Variants in BTG4 observed in about 807,000 individuals in gnomAD.
The protein encoded by BTG4 is protein BTG4.
Under a neutral mutation model 19.3 loss-of-function variants are expected in BTG4, and 10 were observed. The observed-to-expected ratio is 0.52, with a 90% CI of 0.32 to 0.88. The LOEUF is 0.88. Among genes scored for constraint, BTG4 ranks in the 40% least tolerant of loss-of-function variants. BTG4 has a pLI of 0.04. For missense variants in BTG4, 238 were observed against 281.9 expected (o/e 0.84, Z 1.11); for synonymous variants, 91 against 95.7 (o/e 0.95, Z 0.29).
chr11:111,441,569 C>T, the BTG4 span, among the ~76,000 whole-genome samples: 21 of 152,180 alleles, frequency 1.4e-4, no homozygotes, highest in Non-Finnish European at 2.8e-4. Context: ...TCCTTGTCTG[C>T]TCTTGGGCTG....
chr11:111,482,680 T>C (rs981239119), intron 5 of BTG4, among the ~76,000 whole-genome samples: 9 of 152,044 alleles, frequency 5.9e-5, no homozygotes, highest in Non-Finnish European at 7.4e-5. Context: ...CAAGAACAAT[T>C]TGATGGAGGA....
intron 5 of BTG4, among the ~76,000 whole-genome samples, chr11:111,469,518 G>A (rs1340965135): frequency 2.0e-5 from 3 of 152,090 alleles, no homozygotes; most frequent in South Asian, 2.1e-4. Context: ...CAGATTTCCC[G>A]TGGCAGCATA....
chr11:111,483,407 C>A (rs1864861134), intron 5 of BTG4, among the ~76,000 whole-genome samples: 1 of 152,158 alleles, frequency 6.6e-6, no homozygotes, highest in South Asian at 2.1e-4. Flanking sequence ...ACCAATCCCA[C>A]AGTGATGAAG....
At chr11:111,455,619 A>C in the BTG4 span, 7 of 299,978 alleles carry the variant, frequency 2.3e-5, no homozygotes, top group Admixed American at 2.6e-4. Context: ...GAACCCAGAA[A>C]AGTGTGGATC....
upstream of BTG4, chr11:111,514,605 C>A (rs1867145718): frequency 1.6e-6 from 1 of 606,570 alleles, no homozygotes; most frequent in African/African-American, 1.9e-5. Context: ...GTCCTAAAAC[C>A]TGATCACCGC....
At chr11:111,427,668 G>C in the BTG4 span, among the ~76,000 whole-genome samples, 1 of 152,124 alleles carries the variant, frequency 6.6e-6, no homozygotes, top group Non-Finnish European at 1.5e-5. Flanking sequence ...CTGTGTCTGA[G>C]GGGAGGTCTC....
At chr11:111,404,408 G>A in the BTG4 span, among the ~76,000 whole-genome samples, 84,911 of 152,050 alleles carry the variant, frequency 0.56, 24,807 homozygotes, top group Admixed American at 0.69. Context: ...AAAGGGCTGC[G>A]GCCCATCAAA....
chr11:111,426,728 C>T, the BTG4 span, among the ~76,000 whole-genome samples: 2 of 152,194 alleles, frequency 1.3e-5, no homozygotes, highest in Admixed American at 6.5e-5. Flanking sequence ...GCACCCAAGG[C>T]TTCTTCACCT....
At chr11:111,467,745 C>T in intron 5 of BTG4, 1 of 735,990 alleles carries the variant, frequency 1.4e-6, no homozygotes, top group Non-Finnish European at 2.5e-6. Context: ...TCCTAAAATC[C>T]TGACATATTT....
At chr11:111,490,384 A>C (rs942188852), downstream of BTG4, among the ~76,000 whole-genome samples, 4 of 152,086 alleles carry the variant, frequency 2.6e-5, no homozygotes, top group Non-Finnish European at 5.9e-5. Flanking sequence ...GATTTATAAC[A>C]CAACATGTGC....
At chr11:111,397,316 CT>C in the BTG4 span, among the ~76,000 whole-genome samples, 8 of 152,196 alleles carry the variant, frequency 5.3e-5, no homozygotes, top group Non-Finnish European at 7.3e-5. Context: ...CTTCATCTAA[CT>C]TCCTAGGCCC....
the BTG4 span, chr11:111,400,881 T>C: frequency 6.6e-6 from 1 of 151,870 alleles, no homozygotes; most frequent in East Asian, 1.9e-4. Flanking sequence ...AGAATAACCA[T>C]AAGACAACAC....
At chr11:111,445,086 G>A in the BTG4 span, among the ~76,000 whole-genome samples, 1 of 152,188 alleles carries the variant, frequency 6.6e-6, no homozygotes, top group Non-Finnish European at 1.5e-5. Context: ...TCATGGTACC[G>A]TGCTAAGGTT....
the BTG4 span, chr11:111,414,632 C>T: frequency 2.6e-5 from 4 of 152,388 alleles, no homozygotes; most frequent in East Asian, 7.7e-4. Flanking sequence ...CCCTCAAAGG[C>T]AACAAGCAAG....
At chr11:111,444,669 C>T in the BTG4 span, among the ~76,000 whole-genome samples, 3 of 151,916 alleles carry the variant, frequency 2.0e-5, no homozygotes, top group South Asian at 6.3e-4. Context: ...ATACATAATA[C>T]CCCATAAATA....
the BTG4 span, among the ~76,000 whole-genome samples, chr11:111,392,075 G>C: frequency 2.6e-5 from 4 of 151,380 alleles, no homozygotes; most frequent in African/African-American, 9.7e-5. Context: ...AATAGGACCA[G>C]AGAGATGAAA....
At chr11:111,424,637 C>T in the BTG4 span, among the ~76,000 whole-genome samples, 10,244 of 152,188 alleles carry the variant, frequency 0.067, 1,104 homozygotes, top group African/African-American at 0.23. Context: ...AAAAGATTTA[C>T]GGTCACTTAA....
chr11:111,495,974 A>G (rs969187012), intron 4 of BTG4, among the ~76,000 whole-genome samples: 4 of 152,242 alleles, frequency 2.6e-5, no homozygotes, highest in Admixed American at 6.5e-5. Flanking sequence ...GAAACTATCA[A>G]TGACACACAT....
the BTG4 span, among the ~76,000 whole-genome samples, chr11:111,398,212 A>G: frequency 6.6e-6 from 1 of 152,240 alleles, no homozygotes; most frequent in Admixed American, 6.5e-5. Context: ...GTAGATTGAC[A>G]AGCAATCAGA....
Sources: allele counts gnomAD v4.1 joint callset (sites outside exome capture counted in the v4.1 genomes callset), GRCh38; gene constraint gnomAD v4.1.1; transcripts MANE v1.5; gene names NCBI Gene and HGNC (gene_info 2026-07-23, HGNC 2026-07-21).